The following USP25 variants were observed in gnomAD, a reference collection of about 807,000 sequenced individuals.
The protein encoded by USP25 is ubiquitin carboxyl-terminal hydrolase 25.
Under a neutral mutation model 158.5 loss-of-function variants are expected in USP25, and 85 were observed. That is an observed-to-expected ratio of 0.54 (90% confidence interval 0.45 to 0.64). USP25 has a LOEUF of 0.64. USP25 is among the 30% of genes least tolerant of loss of function. USP25 has a pLI of 0.00. For synonymous variants in USP25, 464 were observed against 460.4 expected (o/e 1.01, Z -0.10); for missense variants, 1,242 against 1,327.3 (o/e 0.94, Z 1.00).
At chr21:15,741,590 T>A (rs2032064169) in intron 1 of USP25, among the ~76,000 whole-genome samples, 1 of 152,172 alleles carries the variant, frequency 6.6e-6, no homozygotes, top group Non-Finnish European at 1.5e-5. Context: ...TAATGACTAA[T>A]GATTTTGGAT....
intron 1 of USP25, 73 bp downstream of exon 1, chr21:15,730,511 C>A: frequency 7.8e-7 from 1 of 1,279,502 alleles, no homozygotes; most frequent in Non-Finnish European, 9.9e-7. Context: ...TGCGGCCGGG[C>A]GCCCCGGCCT....
chr21:15,806,308 A>G (rs1294688678), intron 7 of USP25, among the ~76,000 whole-genome samples: 1 of 151,788 alleles, frequency 6.6e-6, no homozygotes, highest in African/African-American at 2.4e-5. Flanking sequence ...TTTCTTCTTT[A>G]GTATGCATAG....
chr21:15,785,378 T>C (rs1299878141), intron 4 of USP25, among the ~76,000 whole-genome samples: 1 of 152,174 alleles, frequency 6.6e-6, no homozygotes, highest in Non-Finnish European at 1.5e-5. Flanking sequence ...CATGGACATT[T>C]ACAGAACATG....
intron 3 of USP25, among the ~76,000 whole-genome samples, chr21:15,767,385 T>A (rs1568778433): frequency 6.6e-6 from 1 of 152,146 alleles, no homozygotes; most frequent in Non-Finnish European, 1.5e-5. Flanking sequence ...TCCTGGCCTC[T>A]AGCTAGGACC....
At chr21:15,761,153 G>T (rs767203647) in intron 1 of USP25, among the ~76,000 whole-genome samples, 1 of 152,098 alleles carries the variant, frequency 6.6e-6, no homozygotes, top group Non-Finnish European at 1.5e-5. Flanking sequence ...GTGCATTTTC[G>T]GCAGGGCTAT....
At position 15,825,071 on chromosome 21, in the gene USP25, CT is replaced by C; in HGVS notation, c.1304+14del. On this transcript the variant is annotated intron_variant, in intron 12 of 25. Transcript: ENST00000400183. Reference sequence around the variant, plus strand: ...AACAAAGGCTAGAAAGGTATTTTAACTTTTATGAAATTAGGAGATAATTATC... The same window carrying C: ...AACAAAGGCTAGAAAGGTATTTTAACTTTATGAAATTAGGAGATAATTATC... 6.4e-7 allele frequency: 1 copy of C among 1,568,584 alleles called. No homozygotes were observed. The highest frequency in any genetic ancestry group is 8.7e-7 in the Non-Finnish European group (1 of 1,155,514).
At chr21:15,765,953 A>C in intron 2 of USP25, 44 bp from the exon 3 acceptor site, 6 of 1,560,056 alleles carry the variant, frequency 3.8e-6, no homozygotes, top group Non-Finnish European at 5.2e-6. Context: ...TTGATGGATA[A>C]AATTATTTCA....
chr21:15,801,437 C>T (rs1263561278), intron 6 of USP25, among the ~76,000 whole-genome samples: 1 of 151,536 alleles, frequency 6.6e-6, no homozygotes. Flanking sequence ...AAGAATTTCT[C>T]ACTTCCATTC....
At chr21:15,738,148 A>G (rs977133958) in intron 1 of USP25, among the ~76,000 whole-genome samples, 2 of 152,044 alleles carry the variant, frequency 1.3e-5, no homozygotes, top group African/African-American at 4.8e-5. Context: ...TTAATGCAAA[A>G]TTTTTTTCCC....
chr21:15,792,553 T>C (rs1232992751), intron 5 of USP25, among the ~76,000 whole-genome samples: 1 of 151,724 alleles, frequency 6.6e-6, no homozygotes, highest in Non-Finnish European at 1.5e-5. Context: ...GTATTCAAAA[T>C]ATATCTTCAT....
intron 20 of USP25, among the ~76,000 whole-genome samples, chr21:15,851,040 A>G (rs941075618): frequency 6.6e-6 from 1 of 152,004 alleles, no homozygotes; most frequent in South Asian, 2.1e-4. Flanking sequence ...TATAGTTTCT[A>G]GGTTTCTAAC....
chr21:15,846,106 ATG>A (rs1238472535), intron 18 of USP25, among the ~76,000 whole-genome samples: 22 of 115,630 alleles, frequency 1.9e-4, no homozygotes, highest in South Asian at 5.8e-4. Context: ...ATTTTGATAT[ATG>A]TGTGTGTGTG....
At chr21:15,874,265 C>A in intron 23 of USP25, 138 bp from the exon 24 acceptor site, 3 of 737,704 alleles carry the variant, frequency 4.1e-6, no homozygotes, top group Non-Finnish European at 6.0e-6. Context: ...CAAGCATACA[C>A]TGCGTCAGAT....
In USP25 at chr21:15,824,122, A is replaced by G; in HGVS notation, c.1164A>G (p.Lys388=). The part of the protein sequence containing the change: ...EFNQALGRPE[K]IHNKLEFPQV... Reference sequence around the variant, plus strand: ...ATCAGGCATTGGGAAGACCAGAAAAAATTCACAACAAATTAGAATTTCCCC... The same window carrying G: ...ATCAGGCATTGGGAAGACCAGAAAAGATTCACAACAAATTAGAATTTCCCC... The change falls in exon 11 of 26, where the codon AAA becomes AAG. Residue 388 remains lysine (K), a synonymous_variant. Coordinates refer to ENST00000400183, the MANE Select transcript of USP25 (RefSeq NM_001283041.3). 1.2e-6 allele frequency: 2 copies of G among 1,613,608 alleles called. No homozygotes were observed. The highest frequency in any genetic ancestry group is 1.7e-6 in the Non-Finnish European group (2 of 1,179,862).
chr21:15,817,112 A>G (rs2036979658), intron 9 of USP25, among the ~76,000 whole-genome samples: 2 of 151,840 alleles, frequency 1.3e-5, no homozygotes, highest in Admixed American at 1.3e-4. Context: ...AGACTGGGTG[A>G]CAGAGCGAGA....
intron 1 of USP25, among the ~76,000 whole-genome samples, chr21:15,738,374 A>G (rs1175297802): frequency 6.6e-6 from 1 of 152,196 alleles, no homozygotes; most frequent in East Asian, 1.9e-4. Flanking sequence ...CTGTAGATCC[A>G]TTTGGGATTA....
intron 10 of USP25, among the ~76,000 whole-genome samples, chr21:15,821,940 C>T (rs1424391223): frequency 2.6e-5 from 4 of 151,850 alleles, no homozygotes; most frequent in African/African-American, 9.7e-5. Context: ...AATTTAGAAG[C>T]ACTTGTGCTG....
At chr21:15,791,134 A>G (rs1038460534) in intron 4 of USP25, among the ~76,000 whole-genome samples, 1 of 151,920 alleles carries the variant, frequency 6.6e-6, no homozygotes, top group Non-Finnish European at 1.5e-5. Flanking sequence ...AGTAATTGTT[A>G]TAAAAAGTGG....
chr21:15,872,954 TAATG>T (rs929118179), intron 23 of USP25, among the ~76,000 whole-genome samples: 6 of 152,166 alleles, frequency 3.9e-5, no homozygotes, highest in African/African-American at 1.4e-4. Context: ...AAAAATATAT[TAATG>T]AAAAACTGAC....
Sources: allele counts gnomAD v4.1 joint callset (sites outside exome capture counted in the v4.1 genomes callset), GRCh38; gene constraint gnomAD v4.1.1; transcripts MANE v1.5; gene names NCBI Gene and HGNC (gene_info 2026-07-23, HGNC 2026-07-21).